The following ACYP2 variants were observed in gnomAD, a reference collection of about 807,000 sequenced individuals.
The protein encoded by ACYP2 is acylphosphatase 2.
Under a neutral mutation model 11.2 loss-of-function variants are expected in ACYP2, and 12 were observed. The ratio of observed to expected loss-of-function variants is 1.08; its 90% CI spans 0.69 to 1.74. The LOEUF is 1.74. ACYP2 is among the 40% of genes most tolerant of loss of function. ACYP2 has a pLI of 0.00. For missense variants in ACYP2, 134 were observed against 101.9 expected (o/e 1.31, Z -1.35); for synonymous variants, 43 against 32.2 (o/e 1.33, Z -1.13).
intron 6 of ACYP2, among the ~76,000 whole-genome samples, chr2:54,203,803 C>G (rs1416395092): frequency 6.8e-6 from 1 of 147,830 alleles, no homozygotes; most frequent in Non-Finnish European, 1.5e-5. Flanking sequence ...CTAATACCCC[C>G]TTTTTTTTTT....
chr2:54,092,445 A>C (rs999160451), intron 4 of ACYP2, among the ~76,000 whole-genome samples: 12 of 152,138 alleles, frequency 7.9e-5, no homozygotes, highest in African/African-American at 2.9e-4. Context: ...TAGCCAACCT[A>C]TGTTATCCTA....
intron 1 of ACYP2, among the ~76,000 whole-genome samples, chr2:53,971,784 T>G (rs1025037287): frequency 5.3e-5 from 8 of 152,160 alleles, no homozygotes; most frequent in African/African-American, 1.9e-4. Flanking sequence ...GAAGGTTGAG[T>G]GCAAAGTTGG....
At chr2:53,974,382 G>A (rs752567931) in intron 2 of ACYP2, among the ~76,000 whole-genome samples, 11 of 152,164 alleles carry the variant, frequency 7.2e-5, no homozygotes, top group Non-Finnish European at 1.0e-4. Flanking sequence ...AGGAAGCATA[G>A]GTGCAGATGC....
At chr2:54,234,905 G>A (rs868239661) in intron 6 of ACYP2, among the ~76,000 whole-genome samples, 7 of 152,222 alleles carry the variant, frequency 4.6e-5, no homozygotes, top group Non-Finnish European at 7.4e-5. Flanking sequence ...CAGAATTCAT[G>A]TTCCTCTGAT....
At chr2:53,995,413 A>C (rs1672522565) in intron 2 of ACYP2, among the ~76,000 whole-genome samples, 1 of 152,056 alleles carries the variant, frequency 6.6e-6, no homozygotes, top group Non-Finnish European at 1.5e-5. Context: ...GCATGAAATA[A>C]TTAAACTTAA....
At chr2:54,233,667 T>A (rs1036786435) in intron 6 of ACYP2, among the ~76,000 whole-genome samples, 1 of 152,082 alleles carries the variant, frequency 6.6e-6, no homozygotes, top group Non-Finnish European at 1.5e-5. Flanking sequence ...CTACCCCTGC[T>A]CCACACCTGA....
chr2:54,168,707 AAG>A (rs1683109788), intron 6 of ACYP2, among the ~76,000 whole-genome samples: 1 of 152,230 alleles, frequency 6.6e-6, no homozygotes, highest in African/African-American at 2.4e-5. Context: ...GAATTTTAAA[AAG>A]AGAAAGAGCA....
intron 6 of ACYP2, chr2:54,256,156 G>T (rs372576049): frequency 1.4e-5 from 22 of 1,607,584 alleles, no homozygotes; most frequent in Middle Eastern, 3.3e-4. Flanking sequence ...GCTCATGTTG[G>T]TAGCGGCCAG....
chr2:54,114,640 C>T (rs1461942414), intron 4 of ACYP2, among the ~76,000 whole-genome samples: 2 of 152,140 alleles, frequency 1.3e-5, no homozygotes, highest in Admixed American at 6.5e-5. Flanking sequence ...GCTGAGATTG[C>T]ACTACTGCAC....
rs138030101 is a variant in ACYP2, at chr2:54,282,708, A to G, written c.405-21980A>G. On this transcript the variant is annotated intron_variant, in intron 6 of 6. Transcript: ENST00000607452. ...TGGATAAAAACACCAGACTAGTGAC[A>G]ATTTTTTCTGATGGAAATTGTTTGG... Among the ~76,000 whole-genome samples, 459 of 152,270 alleles carry G rather than the reference A, an allele frequency of 3.0e-3. 4 individuals are homozygous for G. Among genetic ancestry groups the G allele is most frequent in the African/African-American group, 0.01 (433 of 41,574 alleles).
chr2:54,148,155 C>T (rs930093557), intron 6 of ACYP2, among the ~76,000 whole-genome samples: 4 of 152,106 alleles, frequency 2.6e-5, no homozygotes, highest in East Asian at 1.9e-4. Flanking sequence ...CCACCCCAAA[C>T]AGATATCTAC....
At chr2:54,116,678 TTTCTC>T (rs1488500180) in intron 4 of ACYP2, among the ~76,000 whole-genome samples, 1 of 152,142 alleles carries the variant, frequency 6.6e-6, no homozygotes, top group East Asian at 1.9e-4. Flanking sequence ...CTCAAAGAAT[TTTCTC>T]AGCAAGGCAA....
chr2:54,127,002 G>T (rs1338693325), intron 4 of ACYP2, among the ~76,000 whole-genome samples: 1 of 149,312 alleles, frequency 6.7e-6, no homozygotes, highest in African/African-American at 2.5e-5. Context: ...TACAGTGAAA[G>T]ATTATAGGCA....
intron 6 of ACYP2, among the ~76,000 whole-genome samples, chr2:54,166,041 C>G (rs374106398): frequency 1.1e-4 from 16 of 152,164 alleles, no homozygotes; most frequent in Admixed American, 1.3e-4. Context: ...TTTAAACAAC[C>G]ATCCAGCAAT....
At chr2:54,067,203 TG>T (rs1268207024) in intron 4 of ACYP2, among the ~76,000 whole-genome samples, 7 of 152,246 alleles carry the variant, frequency 4.6e-5, no homozygotes, top group Non-Finnish European at 1.0e-4. Context: ...CTAAGTAAAA[TG>T]TCTGTGTTCC....
chr2:54,277,764 C>A (rs1688667804), intron 6 of ACYP2, among the ~76,000 whole-genome samples: 1 of 152,088 alleles, frequency 6.6e-6, no homozygotes, highest in African/African-American at 2.4e-5. Context: ...TACAATTAGG[C>A]AACATTCATT....
At chr2:54,124,572 A>G (rs1451994743) in intron 4 of ACYP2, among the ~76,000 whole-genome samples, 2 of 152,158 alleles carry the variant, frequency 1.3e-5, no homozygotes, top group African/African-American at 2.4e-5. Context: ...AATGGGTGAC[A>G]CTTTTATTAT....
chr2:54,124,296 G>A (rs186411305), intron 4 of ACYP2, among the ~76,000 whole-genome samples: 1 of 151,998 alleles, frequency 6.6e-6, no homozygotes, highest in Non-Finnish European at 1.5e-5. Flanking sequence ...CCAGGTTCAA[G>A]TGATTATCCT....
intron 2 of ACYP2, among the ~76,000 whole-genome samples, chr2:53,998,882 C>T (rs1036806000): frequency 1.2e-4 from 18 of 152,096 alleles, no homozygotes; most frequent in African/African-American, 3.4e-4. Flanking sequence ...CTGAGATTCA[C>T]GAATCCAGGC....
Sources: allele counts gnomAD v4.1 joint callset (sites outside exome capture counted in the v4.1 genomes callset), GRCh38; gene constraint gnomAD v4.1.1; transcripts MANE v1.5; gene names NCBI Gene and HGNC (gene_info 2026-07-23, HGNC 2026-07-21).